Variants in NAALADL2 observed in about 807,000 individuals in gnomAD.
The protein encoded by NAALADL2 is inactive N-acetylated-alpha-linked acidic dipeptidase-like protein 2.
A neutral mutation model predicts 87.2 loss-of-function variants in NAALADL2; 76 were observed. The ratio of observed to expected loss-of-function variants is 0.87; its 90% CI spans 0.72 to 1.05. NAALADL2 has a LOEUF of 1.05. Among genes scored for constraint, NAALADL2 ranks in the 50% least tolerant of loss-of-function variants. The probability of loss-of-function intolerance (pLI) is 0.00; values close to 1 mark genes in which losing one functional copy is unlikely to be tolerated. For missense variants in NAALADL2, 1,089 were observed against 945.8 expected (o/e 1.15, Z -1.99); for synonymous variants, 354 against 331.0 (o/e 1.07, Z -0.75).
Position 175,096,887 on chromosome 3 carries a change from C to T in NAALADL2, c.141C>T (p.Asp47=). The T allele has an allele frequency of 6.2e-7, 1 of 1,613,356 alleles. No homozygotes were observed. The highest frequency in any genetic ancestry group is 1.3e-5 in the African/African-American group (1 of 75,010). ...DNDDLQATAL[D]LEWDMEKELE... ...ATGACCTTCAAGCCACTGCCCTTGA[C>T]TTAGAGTGGGACATGGAGAAGGAAC... The change falls in exon 2 of 14, where the codon GAC becomes GAT. Residue 47 remains aspartate (D), a synonymous_variant. Transcript: ENST00000454872.
chr3:175,615,734 G>A (rs1393411066), intron 10 of NAALADL2, among the ~76,000 whole-genome samples: 1 of 151,696 alleles, frequency 6.6e-6, no homozygotes. Flanking sequence ...GCACGCACCT[G>A]TAGTCCCAGC....
At chr3:174,461,319 C>T (rs571521067) in intron 1 of NAALADL2, among the ~76,000 whole-genome samples, 1 of 152,128 alleles carries the variant, frequency 6.6e-6, no homozygotes, top group African/African-American at 2.4e-5. Flanking sequence ...AAGAATATAA[C>T]AGCAGTTTTT....
chr3:175,076,334 T>G lies in NAALADL2; in HGVS notation c.44-20456T>G, dbSNP rs190620268. Among the ~76,000 whole-genome samples the G allele has an allele frequency of 8.3e-3, 1,261 of 151,768 alleles. 15 individuals carry two copies. The highest frequency in any genetic ancestry group is 0.029 in the African/African-American group (1,205 of 41,392). Reference sequence around the variant, plus strand: ...CGTGTATTTCATGCTTTTTTTTTTTTTTTTTTACTTTATTCTAGAGAAGAA... The same window carrying G: ...CGTGTATTTCATGCTTTTTTTTTTTGTTTTTTACTTTATTCTAGAGAAGAA... On this transcript the variant is annotated intron_variant, in intron 1 of 13. Coordinates refer to ENST00000454872, the MANE Select transcript of NAALADL2 (RefSeq NM_207015.3).
intron 11 of NAALADL2, among the ~76,000 whole-genome samples, chr3:175,651,562 T>C (rs1730770597): frequency 6.6e-6 from 1 of 152,186 alleles, no homozygotes; most frequent in Admixed American, 6.5e-5. Context: ...TTGAAATTTA[T>C]AGGAACAACA....
chr3:174,721,549 C>T (rs543430261), intron 2 of NAALADL2, among the ~76,000 whole-genome samples: 1 of 152,240 alleles, frequency 6.6e-6, no homozygotes, highest in South Asian at 2.1e-4. Flanking sequence ...TGGCATTTCT[C>T]GCGTCTTAAT....
intron 3 of NAALADL2, among the ~76,000 whole-genome samples, chr3:174,826,180 T>G (rs1721976298): frequency 6.6e-6 from 1 of 152,222 alleles, no homozygotes; most frequent in Admixed American, 6.5e-5. Context: ...CAATGAGTAC[T>G]TACTTATTTG....
intron 1 of NAALADL2, among the ~76,000 whole-genome samples, chr3:175,053,637 T>C (rs6798869): frequency 0.23 from 34,430 of 152,158 alleles, 4,246 homozygotes; most frequent in African/African-American, 0.33. Context: ...ACCTATTTCC[T>C]AACTTTCTGT....
At chr3:174,521,192 A>T (rs1364439668) in intron 1 of NAALADL2, among the ~76,000 whole-genome samples, 1 of 152,234 alleles carries the variant, frequency 6.6e-6, no homozygotes, top group Non-Finnish European at 1.5e-5. Flanking sequence ...ACAAAAAAAG[A>T]CACATGCTCT....
rs372941879 is a variant in NAALADL2 at position 175,192,481 on chromosome 3, T to A, written c.546-41450T>A. The stretch of plus-strand genomic sequence containing the variant: ...TCACATTCTAATAAATTACTACAAG[T>A]CTGTTTAATGTATTTGTGTTGTCAT... On this transcript the variant is annotated intron_variant, in intron 2 of 13. Transcript: ENST00000454872. Among the ~76,000 whole-genome samples the A allele has an allele frequency of 2.6e-5, 4 of 152,150 alleles. No individual in the cohort carries two copies. In the East Asian group the frequency reaches 5.8e-4, roughly 22 times the overall value.
At chr3:174,925,343 C>G (rs1316451487) in intron 1 of NAALADL2, among the ~76,000 whole-genome samples, 2 of 152,222 alleles carry the variant, frequency 1.3e-5, no homozygotes, top group East Asian at 3.9e-4. Flanking sequence ...TTCCCCATTT[C>G]TTGTTTTTGT....
intron 11 of NAALADL2, among the ~76,000 whole-genome samples, chr3:175,720,996 T>C (rs2150033439): frequency 6.6e-6 from 1 of 152,086 alleles, no homozygotes; most frequent in East Asian, 1.9e-4. Flanking sequence ...CAAAAAATGG[T>C]GAAGATGTGA....
At chr3:174,978,316 A>C (rs1189319374) in intron 1 of NAALADL2, among the ~76,000 whole-genome samples, 1 of 152,216 alleles carries the variant, frequency 6.6e-6, no homozygotes, top group Non-Finnish European at 1.5e-5. Flanking sequence ...GTTGGTTTTA[A>C]TGTCAGTTTT....
chr3:175,147,698 T>C (rs1358076437), intron 2 of NAALADL2, among the ~76,000 whole-genome samples: 1 of 152,170 alleles, frequency 6.6e-6, no homozygotes, highest in Non-Finnish European at 1.5e-5. Flanking sequence ...AACTAATTTA[T>C]ATTACCACCA....
intron 3 of NAALADL2, among the ~76,000 whole-genome samples, chr3:174,832,917 T>C (rs189628424): frequency 1.3e-5 from 2 of 152,272 alleles, no homozygotes; most frequent in East Asian, 1.9e-4. Context: ...TAATTTAACA[T>C]GTTTCAAAAT....
At chr3:174,537,114 A>G (rs1721792660) in intron 1 of NAALADL2, among the ~76,000 whole-genome samples, 1 of 152,166 alleles carries the variant, frequency 6.6e-6, no homozygotes, top group Admixed American at 6.5e-5. Context: ...CTGCCATCAT[A>G]CTAATGTTAT....
chr3:174,717,795 T>A (rs57135964), intron 2 of NAALADL2, among the ~76,000 whole-genome samples: 2 of 152,160 alleles, frequency 1.3e-5, no homozygotes, highest in East Asian at 1.9e-4. Flanking sequence ...TCCATTGATA[T>A]ATGTGCAATT....
At chr3:175,176,845 C>A (rs955682159) in intron 2 of NAALADL2, among the ~76,000 whole-genome samples, 2 of 151,992 alleles carry the variant, frequency 1.3e-5, no homozygotes, top group Non-Finnish European at 2.9e-5. Flanking sequence ...CTGCTGAAAC[C>A]TTGATTTTAG....
At chr3:174,455,055 C>T (rs1313071667) in intron 1 of NAALADL2, among the ~76,000 whole-genome samples, 2 of 151,768 alleles carry the variant, frequency 1.3e-5, no homozygotes, top group African/African-American at 4.8e-5. Context: ...GATATTACTG[C>T]TGACCCCACA....
chr3:174,727,979 C>T (rs1028475014), intron 2 of NAALADL2, among the ~76,000 whole-genome samples: 2 of 152,032 alleles, frequency 1.3e-5, no homozygotes, highest in Non-Finnish European at 2.9e-5. Flanking sequence ...ACTTTGTAGC[C>T]TTTTCAGATT....
Sources: allele counts gnomAD v4.1 joint callset (sites outside exome capture counted in the v4.1 genomes callset), GRCh38; gene constraint gnomAD v4.1.1; transcripts MANE v1.5; gene names NCBI Gene and HGNC (gene_info 2026-07-23, HGNC 2026-07-21).